The following FSTL4 variants were observed in gnomAD, a reference collection of about 807,000 sequenced individuals.
The protein encoded by FSTL4 is follistatin like 4.
FSTL4 carries 28 observed loss-of-function variants against 78.2 expected under a neutral mutation model. That is an observed-to-expected ratio of 0.36 (90% confidence interval 0.27 to 0.49). The LOEUF is 0.49. Among genes scored for constraint, FSTL4 ranks in the 20% least tolerant of loss-of-function variants. FSTL4 has a pLI of 0.98. For missense variants in FSTL4, 922 were observed against 1,084.9 expected (o/e 0.85, Z 2.11); for synonymous variants, 422 against 440.5 (o/e 0.96, Z 0.53).
intron 3 of FSTL4, among the ~76,000 whole-genome samples, chr5:133,467,854 T>C (rs1757747268): frequency 6.6e-6 from 1 of 152,236 alleles, no homozygotes; most frequent in African/African-American, 2.4e-5. Flanking sequence ...AAAATGTTTC[T>C]TATACATTGC....
chr5:133,680,610 AACTTGCCTCC>A, the FSTL4 span, among the ~76,000 whole-genome samples: 1 of 152,166 alleles, frequency 6.6e-6, no homozygotes, highest in Admixed American at 6.5e-5. Context: ...ATTGCAGAAG[AACTTGCCTCC>A]CAATGTGTCC....
intron 4 of FSTL4, among the ~76,000 whole-genome samples, chr5:133,348,625 C>T (rs965595527): frequency 2.6e-5 from 4 of 152,130 alleles, no homozygotes; most frequent in Admixed American, 1.3e-4. Context: ...GGTGACTGGG[C>T]GGGAGTGGGC....
chr5:133,453,044 T>A (rs1457536290), intron 3 of FSTL4, among the ~76,000 whole-genome samples: 1 of 152,196 alleles, frequency 6.6e-6, no homozygotes, highest in Non-Finnish European at 1.5e-5. Flanking sequence ...CCTGTGCACA[T>A]ACAGGCTCAA....
the FSTL4 span, among the ~76,000 whole-genome samples, chr5:133,797,570 T>G: frequency 6.6e-6 from 1 of 152,196 alleles, no homozygotes; most frequent in African/African-American, 2.4e-5. Flanking sequence ...ACCAGGCATG[T>G]CCAGCTTCCC....
chr5:133,555,288 G>C (rs1580785906), intron 3 of FSTL4, among the ~76,000 whole-genome samples: 1 of 152,164 alleles, frequency 6.6e-6, no homozygotes, highest in Admixed American at 6.5e-5. Context: ...TGAAAATTCT[G>C]TGTTTTCCCA....
At chr5:133,713,415 T>A in the FSTL4 span, among the ~76,000 whole-genome samples, 1 of 152,192 alleles carries the variant, frequency 6.6e-6, no homozygotes, top group African/African-American at 2.4e-5. Flanking sequence ...AGGCTACCCC[T>A]TGCTGCAAGA....
chr5:133,335,257 G>A (rs2126912891), intron 4 of FSTL4, among the ~76,000 whole-genome samples: 1 of 152,212 alleles, frequency 6.6e-6, no homozygotes, highest in Admixed American at 6.5e-5. Flanking sequence ...GAGCACACAG[G>A]GCCAATGTGT....
At chr5:133,740,487 TTGTTGACCTGC>T in the FSTL4 span, among the ~76,000 whole-genome samples, 1 of 152,112 alleles carries the variant, frequency 6.6e-6, no homozygotes, top group Non-Finnish European at 1.5e-5. Flanking sequence ...AGGCCACGTG[TTGTTGACCTGC>T]TGATTGAAAT....
At position 133,198,996 on chromosome 5, in the gene FSTL4, T is replaced by C; in HGVS notation, c.*99A>G. 1.5e-6 allele frequency: 1 copy of C among 679,768 alleles called. No individual in the cohort carries two copies. The highest frequency in any genetic ancestry group is 2.7e-5 in the East Asian group (1 of 36,464). 42.1% of individuals were successfully genotyped at this position (679,768 alleles called of 1,614,324 possible). ...TGTTGAACCACAAAGCGAGTACAGG[T>C]TTTTGCTTTTGTCTGTAAAAATGTA... On this transcript the variant is annotated 3_prime_UTR_variant, in exon 16 of 16. Coordinates refer to ENST00000265342, the MANE Select transcript of FSTL4 (RefSeq NM_015082.2).
intron 4 of FSTL4, among the ~76,000 whole-genome samples, chr5:133,334,276 G>A (rs567581652): frequency 6.6e-6 from 1 of 152,328 alleles, no homozygotes; most frequent in East Asian, 1.9e-4. Context: ...CGCTCACTGG[G>A]TCGTTCTCTT....
At chr5:133,512,779 A>T (rs1044000137) in intron 3 of FSTL4, among the ~76,000 whole-genome samples, 7 of 152,170 alleles carry the variant, frequency 4.6e-5, no homozygotes, top group Admixed American at 4.6e-4. Flanking sequence ...GGGAGGTAGG[A>T]CTGGGTGGAA....
At chr5:133,759,546 C>T in the FSTL4 span, among the ~76,000 whole-genome samples, 16 of 152,158 alleles carry the variant, frequency 1.1e-4, no homozygotes, top group Admixed American at 1.0e-3. Flanking sequence ...TTGTTAATGG[C>T]CTTAAAGTCC....
At position 133,224,356 on chromosome 5, in the gene FSTL4, T is replaced by C. The variant is rs1370846761; in HGVS notation, c.1313-140A>G. On this transcript the variant is annotated intron_variant, in intron 10 of 15. Transcript: ENST00000265342. ...CCATCACTTACAGAATCTATACCAC[T>C]CATTGCCCTAGGAACAGTATCTTGG... 36 of 634,440 alleles carry C rather than the reference T, an allele frequency of 5.7e-5. No individual in the cohort carries two copies. The East Asian group carries it at 1.0e-3, about 18-fold the overall frequency. 39.3% of individuals were successfully genotyped at this position (634,440 alleles called of 1,614,324 possible). A position where few individuals can be genotyped will look rare whatever the true frequency, so the allele number is the denominator to read the frequency against.
the FSTL4 span, among the ~76,000 whole-genome samples, chr5:133,786,150 T>C: frequency 6.6e-6 from 1 of 152,182 alleles, no homozygotes; most frequent in Non-Finnish European, 1.5e-5. Flanking sequence ...AGCCCAGTTT[T>C]GTGTACTTTC....
intron 7 of FSTL4, among the ~76,000 whole-genome samples, chr5:133,246,247 G>T (rs913255746): frequency 2.6e-5 from 4 of 152,174 alleles, no homozygotes; most frequent in Non-Finnish European, 5.9e-5. Context: ...GACACCTCAG[G>T]CTGAGGGACT....
At chr5:133,315,145 G>C (rs1753873918) in intron 5 of FSTL4, among the ~76,000 whole-genome samples, 1 of 152,176 alleles carries the variant, frequency 6.6e-6, no homozygotes, top group Non-Finnish European at 1.5e-5. Flanking sequence ...CTGGGTGACA[G>C]AGCGAGACCA....
At chr5:133,805,740 C>T in the FSTL4 span, among the ~76,000 whole-genome samples, 11 of 152,180 alleles carry the variant, frequency 7.2e-5, no homozygotes, top group African/African-American at 1.4e-4. Context: ...TCCCAACATG[C>T]CTGAGACTTC....
chr5:133,307,762 C>T (rs1753686984), intron 6 of FSTL4, among the ~76,000 whole-genome samples: 1 of 150,802 alleles, frequency 6.6e-6, no homozygotes, highest in South Asian at 2.1e-4. Flanking sequence ...GTGAGACTCA[C>T]ACCTTCTGTC....
chr5:133,476,913 T>A (rs374355368), intron 3 of FSTL4, among the ~76,000 whole-genome samples: 97 of 152,302 alleles, frequency 6.4e-4, no homozygotes, highest in African/African-American at 1.8e-3. Flanking sequence ...TGAATCTAAC[T>A]GACCCACCTA....
Sources: gnomAD v4.1 joint callset for allele counts (sites outside exome capture counted in the v4.1 genomes callset) on GRCh38, gnomAD v4.1.1 for gene constraint, MANE v1.5 for transcripts, NCBI Gene and HGNC (gene_info 2026-07-23, HGNC 2026-07-21) for gene names.